Variants in MRC1 observed in about 807,000 individuals in gnomAD.
MRC1 encodes mannose receptor C-type 1.
Under a neutral mutation model 102.9 loss-of-function variants are expected in MRC1, and 62 were observed. That is an observed-to-expected ratio of 0.60 (90% CI 0.49 to 0.74). The LOEUF (loss-of-function observed/expected upper bound fraction) is 0.74. Among genes scored for constraint, MRC1 ranks in the 30% least tolerant of loss-of-function variants. The pLI is 0.00. For synonymous variants in MRC1, 457 were observed against 298.4 expected (o/e 1.53, Z -5.48); for missense variants, 1,237 against 862.8 (o/e 1.43, Z -5.43).
In MRC1 at chr10:17,823,330, A is replaced by G. The variant is rs1291886800; in HGVS notation, c.318A>G (p.Thr106=). Residue 106 remains threonine (T), a synonymous_variant, in exon 2 of 30, where the codon ACA becomes ACG. Coordinates refer to ENST00000569591, the MANE Select transcript of MRC1 (RefSeq NM_002438.4). ...AGAAATGGGAGTGCAAAAATGACAC[A>G]CTTTTGGGGATCAAAGGAGAAGATT... is the stretch of plus-strand genomic sequence containing the variant. ...EFQKWECKND[T]LLGIKGEDLF... 1.5e-5 allele frequency: 12 copies of G among 780,748 alleles called. No homozygotes were observed. The highest frequency in any genetic ancestry group is 2.4e-5 in the Non-Finnish European group (10 of 417,974). The allele number at this position is 780,748 out of a possible 1,614,324, so 48.4% of individuals were successfully genotyped here.
chr10:17,863,326 C>T (rs1833212489), intron 10 of MRC1, among the ~76,000 whole-genome samples: 2 of 152,110 alleles, frequency 1.3e-5, no homozygotes, highest in Admixed American at 1.3e-4. Context: ...ATATACTCAG[C>T]TATATGGTAT....
At position 17,884,491 on chromosome 10, in the gene MRC1, G is replaced by C. The variant is rs915376389; in HGVS notation, c.2981-778G>C. On this transcript the variant is annotated intron_variant, in intron 21 of 29. Transcript: ENST00000569591. ...GAGACTGGGTAATTTATAAAGGAAA[G>C]AGGTTTGATTGACTCACACTTCCAC... Among the ~76,000 whole-genome samples the C allele has an allele frequency of 4.4e-3, 668 of 152,338 alleles. 6 individuals are homozygous for C. Among genetic ancestry groups the C allele is most frequent in the African/African-American group, 0.014 (579 of 41,582 alleles).
intron 11 of MRC1, among the ~76,000 whole-genome samples, chr10:17,864,340 A>G (rs1243959371): frequency 6.6e-6 from 1 of 152,146 alleles, no homozygotes; most frequent in East Asian, 1.9e-4. Context: ...ACTATATTAA[A>G]TGGACATAAA....
At chr10:17,813,658 T>TACAC (rs1480696499) in intron 1 of MRC1, among the ~76,000 whole-genome samples, 8 of 126,802 alleles carry the variant, frequency 6.3e-5, no homozygotes, top group African/African-American at 2.3e-4. Flanking sequence ...TACATATATA[T>TACAC]ATATACACAC....
At chr10:17,885,872 T>C (rs1289826744) in intron 22 of MRC1, among the ~76,000 whole-genome samples, 3 of 151,670 alleles carry the variant, frequency 2.0e-5, no homozygotes, top group African/African-American at 7.3e-5. Context: ...CTAATATTTG[T>C]AGACTGCTTA....
At chr10:17,840,385 C>A (rs1838733319) in intron 4 of MRC1, among the ~76,000 whole-genome samples, 1 of 152,208 alleles carries the variant, frequency 6.6e-6, no homozygotes, top group Non-Finnish European at 1.5e-5. Flanking sequence ...AGACTTTACA[C>A]TATCCTTGAG....
intron 9 of MRC1, among the ~76,000 whole-genome samples, chr10:17,858,893 GCTTCTGAAA>G (rs1189217553): frequency 6.6e-6 from 1 of 152,328 alleles, no homozygotes; most frequent in East Asian, 1.9e-4. Flanking sequence ...TTTATTCGCT[GCTTCTGAAA>G]CTTCTGAAAC....
intron 5 of MRC1, among the ~76,000 whole-genome samples, chr10:17,841,783 G>C (rs1187742375): frequency 7.2e-6 from 1 of 138,596 alleles, no homozygotes; most frequent in Admixed American, 7.4e-5. Flanking sequence ...TTAATGATTA[G>C]TGACGTCTGC....
At chr10:17,817,947 T>C (rs1391264370) in intron 1 of MRC1, among the ~76,000 whole-genome samples, 2 of 152,330 alleles carry the variant, frequency 1.3e-5, no homozygotes, top group South Asian at 4.1e-4. Flanking sequence ...TGCTGATTAC[T>C]TGGGGAGAAG....
Position 17,856,300 on chromosome 10 carries a change from A to C in MRC1, c.1466A>C (p.Lys489Thr). 1 of 865,424 alleles carries C rather than the reference A, an allele frequency of 1.2e-6. No homozygotes were observed. Among genetic ancestry groups the C allele is most frequent in the Admixed American group, 1.7e-5 (1 of 58,252 alleles). The allele number at this position is 865,424 out of a possible 1,614,324, so 53.6% of individuals were successfully genotyped here. The change falls in exon 9 of 30, where the codon AAA becomes ACA. Residue 489 changes from lysine (K) to threonine (T), a missense_variant. By Grantham distance (78) the Lys-to-Thr change is moderately conservative (BLOSUM62 -1). Transcript: ENST00000569591. The part of the protein sequence containing the change: ...EWPLGYICKM[K>T]SRSQGPEIVE... ...CCTCTTGGCTACATCTGCAAGATGA[A>C]ATCACGAAGCCAAGGTCCAGAAATA...
In MRC1 at chr10:17,910,608, A is replaced by G. The variant is rs935873708; in HGVS notation, c.*143A>G. The G allele has an allele frequency of 1.4e-6, 1 of 712,150 alleles. No individual in the cohort carries two copies. Among genetic ancestry groups the G allele is most frequent in the Admixed American group, 2.1e-5 (1 of 47,616 alleles). 44.1% of individuals were successfully genotyped at this position (712,150 alleles called of 1,614,324 possible). On this transcript the variant is annotated 3_prime_UTR_variant, in exon 30 of 30. Coordinates refer to ENST00000569591, the MANE Select transcript of MRC1 (RefSeq NM_002438.4). ...TTTTTTCCTTTGCCTAATTGAAGAA[A>G]TAATTGCTTGTTTTCTAGCCTGGCA...
intron 18 of MRC1, among the ~76,000 whole-genome samples, chr10:17,878,470 G>T (rs1833467464): frequency 6.6e-6 from 1 of 152,058 alleles, no homozygotes; most frequent in African/African-American, 2.4e-5. Flanking sequence ...ATAGGAGCCA[G>T]AAAAAGCTGT....
intron 12 of MRC1, among the ~76,000 whole-genome samples, chr10:17,869,162 G>A (rs951290105): frequency 6.6e-6 from 1 of 152,102 alleles, no homozygotes; most frequent in Non-Finnish European, 1.5e-5. Flanking sequence ...CAGGTACTTG[G>A]GGTAGGGTTT....
chr10:17,839,388 G>T lies in MRC1; in HGVS notation c.803-1305G>T, dbSNP rs1419322854. Among the ~76,000 whole-genome samples the T allele has an allele frequency of 1.2e-4, 18 of 150,496 alleles. No homozygotes were observed. The East Asian group carries it at 3.5e-3, about 29-fold the overall frequency. On this transcript the variant is annotated intron_variant, in intron 4 of 29. Coordinates refer to ENST00000569591, the MANE Select transcript of MRC1 (RefSeq NM_002438.4). ...AAATCCCTGAGTAAATTGGTTTTGG[G>T]AATAGCTAGTATTAAAATGCTACTT...
At position 17,885,266 on chromosome 10, in the gene MRC1, C is replaced by G. The variant is rs1833575742; in HGVS notation, c.2981-3C>G. On this transcript the variant is annotated splice_polypyrimidine_tract_variant and splice_region_variant and intron_variant, in intron 21 of 29. Coordinates refer to ENST00000569591, the MANE Select transcript of MRC1 (RefSeq NM_002438.4). ...AAAATTATATCATGAAATTTTCTTTCAGCATTTCTTACCTATCACATGAAG... is the reference window on the plus strand; with the variant it reads ...AAAATTATATCATGAAATTTTCTTTGAGCATTTCTTACCTATCACATGAAG... The G allele has an allele frequency of 2.6e-6, 2 of 780,750 alleles. No homozygotes were observed. The highest frequency in any genetic ancestry group is 3.4e-5 in the Admixed American group (2 of 59,018). 48.4% of individuals were successfully genotyped at this position (780,750 alleles called of 1,614,324 possible).
intron 13 of MRC1, 138 bp downstream of exon 13, chr10:17,870,511 C>T (rs1040418606): frequency 3.0e-5 from 22 of 734,174 alleles, no homozygotes; most frequent in African/African-American, 3.0e-4. Context: ...ATCTGTGGGC[C>T]CTGTTTGATC....
chr10:17,909,995 T>A (rs1833947533), intron 29 of MRC1, among the ~76,000 whole-genome samples: 1 of 152,344 alleles, frequency 6.6e-6, no homozygotes, highest in African/African-American at 2.4e-5. Flanking sequence ...CACTGCTACA[T>A]AGACAGATGG....
chr10:17,819,130 T>C (rs1201316255), intron 1 of MRC1, among the ~76,000 whole-genome samples: 2 of 152,086 alleles, frequency 1.3e-5, no homozygotes, highest in African/African-American at 4.8e-5. Context: ...AATTTTACTA[T>C]TGAGTGAACA....
chr10:17,880,554 C>G lies in MRC1; in HGVS notation c.2749C>G (p.Pro917Ala). The G allele has an allele frequency of 1.3e-6, 1 of 780,806 alleles. No individual in the cohort carries two copies. Among genetic ancestry groups the G allele is most frequent in the South Asian group, 1.3e-5 (1 of 74,616 alleles). The allele number at this position is 780,806 out of a possible 1,614,324, so 48.4% of individuals were successfully genotyped here. ...TTGGAATGACATTAACTGTGGCTAT[C>G]CAAACGCCTTCATTTGCCAGCGACA... Reference protein sequence around the residue: ...GFWNDINCGYPNAFICQRHNS... With the variant: ...GFWNDINCGYANAFICQRHNS... Residue 917 changes from proline to alanine, a missense_variant, in exon 20 of 30, where the codon CCA becomes GCA. By Grantham distance (27) the Pro-to-Ala change is conservative. Transcript: ENST00000569591.
Sources: allele counts gnomAD v4.1 joint callset (sites outside exome capture counted in the v4.1 genomes callset), GRCh38; gene constraint gnomAD v4.1.1; transcripts MANE v1.5; gene names NCBI Gene and HGNC (gene_info 2026-07-23, HGNC 2026-07-21).